ASGR1: variants seen among roughly 807,000 people sequenced by gnomAD.
The protein encoded by ASGR1 is asialoglycoprotein receptor 1.
ASGR1 carries 35 observed loss-of-function variants against 33.1 expected under a neutral mutation model. The ratio of observed to expected loss-of-function variants is 1.06; its 90% CI spans 0.81 to 1.40. The LOEUF (loss-of-function observed/expected upper bound fraction) is 1.40, where lower values mean the gene tolerates loss of function less well. Ranked by LOEUF, ASGR1 falls within the 40% of genes most tolerant of loss-of-function variation. ASGR1 has a pLI of 0.00. For synonymous variants in ASGR1, 142 were observed against 152.5 expected, an observed-to-expected ratio of 0.93 and a Z score of 0.51; for missense variants, 396 against 373.7, an observed-to-expected ratio of 1.06 and a Z score of -0.49.
chr17:7,174,596 G>A (rs1226017394), intron 5 of ASGR1, 136 bp from the exon 6 acceptor site: 5 of 791,042 alleles, frequency 6.3e-6, no homozygotes, highest in Non-Finnish European at 1.0e-5. Flanking sequence ...AGCGGAGTTG[G>A]CCTGAGAGAC....
chr17:7,174,513 G>T (rs1165563878), intron 5 of ASGR1, 53 bp from the exon 6 acceptor site: 1 of 1,553,360 alleles, frequency 6.4e-7, no homozygotes, highest in Non-Finnish European at 8.8e-7. Context: ...CCACGGGGAG[G>T]GAAACGGGAA....
chr17:7,173,934 C>T lies in ASGR1; in HGVS notation c.701+27G>A, dbSNP rs761453831. 1 of 1,613,634 alleles carries T rather than the reference C, an allele frequency of 6.2e-7. No individual in the cohort carries two copies. The highest frequency in any genetic ancestry group is 1.7e-5 in the Admixed American group (1 of 60,016). On this transcript the variant is annotated intron_variant, in intron 8 of 8. Transcript: ENST00000269299. This position sits in a 1 kb window ranked among gnomAD's most constrained non-coding sequence, Gnocchi z 4.7. ...CCCCAGGGCGCGAAGGCGGCCGGAC[C>T]CAGGCCGAGGGAGGGCGCGCACTCA...
In ASGR1 at chr17:7,177,326, C is replaced by G. The variant is rs1463086908; in HGVS notation, c.71G>C (p.Gly24Ala). 7 of 1,612,566 alleles carry G rather than the reference C, an allele frequency of 4.3e-6. No individual in the cohort carries two copies. The highest frequency in any genetic ancestry group is 5.9e-6 in the Non-Finnish European group (7 of 1,179,464). ...CAGGAGGGGCTGGGGAGGAGGTGGC[C>G]CTGCAAGAGGAGGGGGTGTCAGGAG... Reference protein sequence around the residue: ...EESDHHQLRKGPPPPQPLLQR... With the variant: ...EESDHHQLRKAPPPPQPLLQR... The change falls in exon 3 of 9, where the codon GGG (glycine) becomes GCG (alanine). Residue 24 changes from glycine (G) to alanine (A), a missense_variant and splice_region_variant. Physicochemically the swap from Gly to Ala is moderately conservative, Grantham distance 60. Transcript: ENST00000269299.
At chr17:7,175,439 TCA>T (rs1054546299) in intron 5 of ASGR1, among the ~76,000 whole-genome samples, 3 of 128,914 alleles carry the variant, frequency 2.3e-5, no homozygotes, top group East Asian at 4.8e-4. Context: ...ATACACACAT[TCA>T]CACAACGCAC....
Position 7,174,322 on chromosome 17 carries a change from C to A in ASGR1, c.443-33G>T, listed in dbSNP as rs759635816. ...GGAGAAACGGGGCGCAGGGGCTAAG[C>A]GCTGCCCAGAGAAGGGGGGAGGCAG... On this transcript the variant is annotated intron_variant, in intron 6 of 8. Transcript: ENST00000269299. 6 of 1,613,562 alleles carry A rather than the reference C, an allele frequency of 3.7e-6. No individual in the cohort carries two copies. In the East Asian group the frequency reaches 1.1e-4, roughly 30 times the overall value.
chr17:7,176,144 CTCAT>C (rs2069201399), intron 5 of ASGR1, among the ~76,000 whole-genome samples: 1 of 148,914 alleles, frequency 6.7e-6, no homozygotes, highest in African/African-American at 2.5e-5. Context: ...ACACACCCAT[CTCAT>C]TCTCACACAC....
At chr17:7,176,704 T>A (rs1567793985) in intron 5 of ASGR1, 126 bp downstream of exon 5, 5 of 1,336,488 alleles carry the variant, frequency 3.7e-6, no homozygotes, top group African/African-American at 3.1e-5. Context: ...ACACACAGAC[T>A]CACACACACA....
Position 7,178,441 on chromosome 17 carries a change from G to A in ASGR1, c.70+53C>T, listed in dbSNP as rs2069241024. On this transcript the variant is annotated intron_variant, in intron 2 of 8. Transcript: ENST00000269299. Reference sequence around the variant, plus strand: ...CAAGAGTAGGAGCTGTGGCTGGGGGGTGGAGAACCGCCAAATTCTCGCCTT... The same window carrying A: ...CAAGAGTAGGAGCTGTGGCTGGGGGATGGAGAACCGCCAAATTCTCGCCTT... The A allele has an allele frequency of 3.9e-6, 6 of 1,554,268 alleles. No homozygotes were observed. In the Admixed American group the frequency reaches 6.7e-5, roughly 17 times the overall value.
At chr17:7,177,172 C>T (rs1443527833) in intron 3 of ASGR1, 38 bp downstream of exon 3, 5 of 1,612,822 alleles carry the variant, frequency 3.1e-6, no homozygotes, top group Non-Finnish European at 4.2e-6. Flanking sequence ...CGTCAACACC[C>T]CCCAATGTTG....
rs779911917 is a variant in ASGR1, at chr17:7,177,010, TC to T, written c.253del (p.Glu85ArgfsTer7). The T allele has an allele frequency of 4.4e-6, 7 of 1,597,888 alleles. No homozygotes were observed. In the African/African-American group the frequency reaches 8.4e-5, roughly 19 times the overall value. ...ETFSNFTAST[E>X]AQVKGLSTQG... ...GGTGCTCAAGCCCTTGACCTGGGCC[TC>T]CGTGCTCGCTGTGAAGTTGCTGAAC... is the stretch of plus-strand genomic sequence containing the variant. On this transcript the variant is annotated frameshift_variant, in exon 4 of 9. Coordinates refer to ENST00000269299, the MANE Select transcript of ASGR1 (RefSeq NM_001671.5). LOFTEE classifies it high-confidence loss of function.
In ASGR1 at chr17:7,177,333, G is replaced by A. The variant is rs201252840; in HGVS notation, c.71-7C>T. On this transcript the variant is annotated splice_polypyrimidine_tract_variant and splice_region_variant and intron_variant, in intron 2 of 8. Transcript: ENST00000269299. ...GGCTGGGGAGGAGGTGGCCCTGCAAGAGGAGGGGGTGTCAGGAGCGCGGGG... is the reference window on the plus strand; with the variant it reads ...GGCTGGGGAGGAGGTGGCCCTGCAAAAGGAGGGGGTGTCAGGAGCGCGGGG... The A allele has an allele frequency of 3.1e-6, 5 of 1,612,396 alleles. No homozygotes were observed. The highest frequency in any genetic ancestry group is 2.7e-5 in the African/African-American group (2 of 74,948).
At chr17:7,177,989 G>A in intron 2 of ASGR1, 1 of 164,090 alleles carries the variant, frequency 6.1e-6, no homozygotes, top group Non-Finnish European at 1.3e-5. Context: ...ATGGGTCAAG[G>A]GGAATTTGTT....
intron 2 of ASGR1, 184 bp from the exon 3 acceptor site, chr17:7,177,510 G>A: frequency 6.9e-6 from 4 of 583,848 alleles, no homozygotes; most frequent in South Asian, 6.3e-5. Flanking sequence ...GAGAAAAGAG[G>A]GCTGGGGAAG....
At chr17:7,175,099 CAA>C (rs1379665703) in intron 5 of ASGR1, among the ~76,000 whole-genome samples, 2 of 147,554 alleles carry the variant, frequency 1.4e-5, no homozygotes, top group African/African-American at 2.5e-5. Flanking sequence ...AGACAACACA[CAA>C]AACACACAAA....
intron 5 of ASGR1, 99 bp downstream of exon 5, chr17:7,176,731 C>G: frequency 6.5e-7 from 1 of 1,532,274 alleles, no homozygotes; most frequent in Non-Finnish European, 8.9e-7. Flanking sequence ...CCCTCTCATT[C>G]TCACACACAT....
At position 7,174,392 on chromosome 17, in the gene ASGR1, C is replaced by T; in HGVS notation, c.424G>A (p.Ala142Thr). Residue 142 changes from alanine (A) to threonine (T), a missense_variant, in exon 6 of 9, where the codon GCG becomes ACG. Ala to Thr is a moderately conservative substitution (Grantham distance 58). Transcript: ENST00000269299. ...TCCTTACCATTGCCCTGGAGCGCCG[C>T]CATCTGACAGCTCAGGCTCCGCAGG... ...SDLRSLSCQM[A>T]ALQGNGSERT... The T allele has an allele frequency of 6.2e-7, 1 of 1,613,996 alleles. No homozygotes were observed. Among genetic ancestry groups the T allele is most frequent in the Non-Finnish European group, 8.5e-7 (1 of 1,179,958 alleles).
chr17:7,173,969 C>T lies in ASGR1; in HGVS notation c.693G>A (p.Thr231=), dbSNP rs755504341. The change falls in exon 8 of 9, where the codon ACG becomes ACA. Residue 231 remains threonine (T), a synonymous_variant. Transcript: ENST00000269299. This position sits in a 1 kb window ranked among gnomAD's most constrained non-coding sequence, Gnocchi z 4.7. ...WKWVDGTDYE[T]GFKNWRPEQP... ...GGAGGGCGCGCACTCACTTGAAGCC[C>T]GTCTCGTAGTCCGTCCCGTCCACCC... 52 of 1,614,064 alleles carry T rather than the reference C, an allele frequency of 3.2e-5. No homozygotes were observed. The highest frequency in any genetic ancestry group is 4.2e-5 in the Non-Finnish European group (49 of 1,180,002).
At position 7,174,341 on chromosome 17, in the gene ASGR1, G is replaced by C. The variant is rs370567183; in HGVS notation, c.442+33C>G. On this transcript the variant is annotated intron_variant, in intron 6 of 8. Transcript: ENST00000269299. ...GCTAAGCGCTGCCCAGAGAAGGGGG[G>C]AGGCAGAGAGCGGGCCGGGCTGGCC... 8.1e-6 allele frequency: 13 copies of C among 1,613,744 alleles called. No individual in the cohort carries two copies. The African/African-American group carries it at 9.3e-5, about 12-fold the overall frequency.
intron 5 of ASGR1, chr17:7,176,499 ACACT>A (rs1234464298): frequency 8.6e-6 from 4 of 464,920 alleles, no homozygotes; most frequent in South Asian, 4.7e-5. Flanking sequence ...TCTCATTCTC[ACACT>A]CAGACACACA....
Sources: gnomAD v4.1 joint callset for allele counts (sites outside exome capture counted in the v4.1 genomes callset) on GRCh38, gnomAD v4.1.1 for gene constraint, Gnocchi (gnomAD v3.1) non-coding constraint, MANE v1.5 for transcripts, NCBI Gene and HGNC (gene_info 2026-07-23, HGNC 2026-07-21) for gene names.